ANKS1A: variants seen among roughly 807,000 people sequenced by gnomAD.
The protein encoded by ANKS1A is ankyrin repeat and sterile alpha motif domain containing 1A.
ANKS1A carries 55 observed loss-of-function variants against 120.3 expected under a neutral mutation model. The ratio of observed to expected loss-of-function variants is 0.46; its 90% CI spans 0.37 to 0.57. ANKS1A has a LOEUF of 0.57. ANKS1A is among the 20% of genes least tolerant of loss of function. ANKS1A has a pLI of 0.00. For missense variants in ANKS1A, 1,123 were observed against 1,480.3 expected, an observed-to-expected ratio of 0.76 and a Z score of 3.96; for synonymous variants, 590 against 604.7, an observed-to-expected ratio of 0.98 and a Z score of 0.36.
At chr6:35,005,724 A>G (rs1333416498) in intron 10 of ANKS1A, 11 of 449,706 alleles carry the variant, frequency 2.4e-5, no homozygotes, top group Non-Finnish European at 4.4e-5. Flanking sequence ...TTGATCAAGA[A>G]AGAGGAAAAA....
intron 10 of ANKS1A, among the ~76,000 whole-genome samples, chr6:35,016,579 A>C (rs537529869): frequency 6.6e-6 from 1 of 152,328 alleles, no homozygotes; most frequent in African/African-American, 2.4e-5. Flanking sequence ...AGTGTACAGT[A>C]GTAGCTGGCC....
At chr6:35,054,058 A>G (rs1188221799) in intron 11 of ANKS1A, 41 bp from the exon 12 acceptor site, 3 of 1,585,858 alleles carry the variant, frequency 1.9e-6, no homozygotes, top group Middle Eastern at 1.7e-4. Context: ...GTTTACCCCA[A>G]GCCTGACTGC....
intron 11 of ANKS1A, among the ~76,000 whole-genome samples, chr6:35,040,737 G>A (rs1319921923): frequency 6.6e-6 from 1 of 152,220 alleles, no homozygotes; most frequent in Non-Finnish European, 1.5e-5. Context: ...TCGAAGATGA[G>A]ATTCCTATGC....
intron 11 of ANKS1A, among the ~76,000 whole-genome samples, chr6:35,052,263 CATG>C (rs1776003793): frequency 6.6e-6 from 1 of 152,088 alleles, no homozygotes; most frequent in Non-Finnish European, 1.5e-5. Context: ...GCCTGGACAA[CATG>C]ATGAAACCCC....
At chr6:35,022,777 A>G (rs1368697380) in intron 11 of ANKS1A, among the ~76,000 whole-genome samples, 1 of 152,218 alleles carries the variant, frequency 6.6e-6, no homozygotes, top group African/African-American at 2.4e-5. Context: ...TTAACATTCA[A>G]TACATATCCA....
At chr6:34,942,481 G>A (rs1769582307) in intron 1 of ANKS1A, among the ~76,000 whole-genome samples, 1 of 152,222 alleles carries the variant, frequency 6.6e-6, no homozygotes, top group African/African-American at 2.4e-5. Context: ...AATCTGAAGA[G>A]TGAGTGAGGT....
intron 10 of ANKS1A, 117 bp downstream of exon 10, chr6:34,994,539 G>A: frequency 7.0e-7 from 1 of 1,430,554 alleles, no homozygotes; most frequent in Non-Finnish European, 9.5e-7. Context: ...TGGTGGTTGG[G>A]TTTCACGATG....
At chr6:35,079,726 G>A (rs951240333) in intron 15 of ANKS1A, 58 bp downstream of exon 15, 5 of 1,612,892 alleles carry the variant, frequency 3.1e-6, no homozygotes, top group Non-Finnish European at 4.2e-6. Flanking sequence ...CTTCCCTTAG[G>A]GGCAGCCTGG....
At chr6:34,912,457 G>T (rs867987767) in intron 1 of ANKS1A, among the ~76,000 whole-genome samples, 2 of 152,300 alleles carry the variant, frequency 1.3e-5, no homozygotes. Context: ...CCTCAGTAGG[G>T]TCTTCAGGGA....
Position 35,078,611 on chromosome 6 carries a change from A to G in ANKS1A, c.2238A>G (p.Pro746=). The G allele has an allele frequency of 6.2e-7, 1 of 1,607,206 alleles. No homozygotes were observed. The highest frequency in any genetic ancestry group is 1.7e-5 in the Admixed American group (1 of 60,016). ...TGCGGGACATCGGCATCAGCGACCC[A>G]CAGCACCGGCGGAAGCTGCTCCAGG... ...QDLRDIGISD[P]QHRRKLLQAA... The change falls in exon 14 of 24, where the codon CCA becomes CCG. Residue 746 remains proline, a synonymous_variant. Coordinates refer to ENST00000360359, the MANE Select transcript of ANKS1A (RefSeq NM_015245.3).
chr6:35,011,070 T>C (rs1055224212), intron 10 of ANKS1A, among the ~76,000 whole-genome samples: 5 of 152,212 alleles, frequency 3.3e-5, no homozygotes, highest in African/African-American at 1.2e-4. Flanking sequence ...TTTCTACATG[T>C]AGAAGGGATA....
At position 35,086,800 on chromosome 6, in the gene ANKS1A, T is replaced by A; in HGVS notation, c.3304-152T>A. ...TCCAGGAGGGTGTCCCTCCTCCGCC[T>A]GCCCCCAGGGGCCTGCTCTTTGGCC... On this transcript the variant is annotated intron_variant, in intron 22 of 23. Transcript: ENST00000360359. The surrounding 1 kb of genome is among the most constrained non-coding windows in gnomAD (Gnocchi z 5.1). 4.0e-6 allele frequency: 3 copies of A among 746,892 alleles called. No individual in the cohort carries two copies. Among genetic ancestry groups the A allele is most frequent in the Non-Finnish European group, 6.8e-6 (3 of 443,356 alleles). 46.3% of individuals were successfully genotyped at this position (746,892 alleles called of 1,614,324 possible). A position where few individuals can be genotyped will look rare whatever the true frequency, so the allele number is the denominator to read the frequency against.
rs764498993 is a variant in ANKS1A, at chr6:35,018,053, G to A, written c.2004G>A (p.Trp668Ter). The change falls in exon 11 of 24, where the codon TGG becomes TGA. Residue 668 changes from tryptophan to a stop codon, truncating the protein, a stop_gained. Transcript: ENST00000360359. LOFTEE classifies it high-confidence loss of function. ...AGTCACCCTCCTTCGCCTCGGAGTG[G>A]GATGAGGTAAGGCCGACATGACGTC... is the stretch of plus-strand genomic sequence containing the variant. ...LEKSPSFASEWDEIEKIMSSI... is the reference protein window; with the variant it reads ...LEKSPSFASE The A allele has an allele frequency of 6.2e-7, 1 of 1,613,332 alleles. No individual in the cohort carries two copies. The highest frequency in any genetic ancestry group is 8.5e-7 in the Non-Finnish European group (1 of 1,179,782).
chr6:34,985,261 C>T lies in ANKS1A; in HGVS notation c.1192C>T (p.Pro398Ser), dbSNP rs147657305. ...GGAGGCTGAGGCAGCAGGAGTGAAA[C>T]CTGCTGGAGTGAGGCCTGTATGTGA... ...NKEAEAAGVKPAGVRPRERPP... is the reference protein window; with the variant it reads ...NKEAEAAGVKSAGVRPRERPP... Residue 398 changes from proline to serine, a missense_variant, in exon 8 of 24, where the codon CCT becomes TCT. Physicochemically the swap from Pro to Ser is moderately conservative, Grantham distance 74. Transcript: ENST00000360359. 2.6e-5 allele frequency: 42 copies of T among 1,613,706 alleles called. No individual in the cohort carries two copies. The highest frequency in any genetic ancestry group is 2.1e-5 in the Non-Finnish European group (25 of 1,179,942).
At chr6:34,914,728 T>G (rs1351196448) in intron 1 of ANKS1A, among the ~76,000 whole-genome samples, 1 of 152,218 alleles carries the variant, frequency 6.6e-6, no homozygotes, top group Non-Finnish European at 1.5e-5. Context: ...CTTCAGTTTC[T>G]GCAGAACTTA....
At position 34,889,475 on chromosome 6, in the gene ANKS1A, G is replaced by T; in HGVS notation, c.73G>T (p.Gly25Trp). 1 of 1,287,620 alleles carries T rather than the reference G, an allele frequency of 7.8e-7. No homozygotes were observed. 79.8% of individuals were successfully genotyped at this position (1,287,620 alleles called of 1,614,324 possible). Residue 25 changes from glycine (G) to tryptophan (W), a missense_variant, in exon 1 of 24, where the codon GGG becomes TGG. Physicochemically the swap from Gly to Trp is radical, Grantham distance 184 (BLOSUM62 -2). This residue lies in a region of ANKS1A where 73 missense variants were observed against 82.2 expected (regional missense o/e 0.89). Transcript: ENST00000360359. The surrounding 1 kb of genome is among the most constrained non-coding windows in gnomAD (Gnocchi z 5.5). ...CCCGGCGGTGGAGAAGCTGCTGTCCGGGAAGCGGCTCTCCTCAGGCTTTGG... is the reference window on the plus strand; with the variant it reads ...CCCGGCGGTGGAGAAGCTGCTGTCCTGGAAGCGGCTCTCCTCAGGCTTTGG... ...HLPAVEKLLS[G>W]KRLSSGFGGG... is the part of the protein sequence containing the mutation.
chr6:35,056,229 C>G lies in ANKS1A; in HGVS notation c.2077+2064C>G, dbSNP rs1033287345. Reference sequence around the variant, plus strand: ...GGAAGGGTTAATGCTGAGCTCTTCCCGTGACATCTGGTCTCCTGTCTGATC... The same window carrying G: ...GGAAGGGTTAATGCTGAGCTCTTCCGGTGACATCTGGTCTCCTGTCTGATC... On this transcript the variant is annotated intron_variant, in intron 12 of 23. Transcript: ENST00000360359. Among the ~76,000 whole-genome samples the G allele has an allele frequency of 5.3e-5, 8 of 152,180 alleles. No individual in the cohort carries two copies. The South Asian group carries it at 1.2e-3, about 24-fold the overall frequency.
downstream of ANKS1A, chr6:35,091,432 T>G (rs1370897930): frequency 1.0e-6 from 1 of 985,254 alleles, no homozygotes; most frequent in African/African-American, 1.7e-5. Flanking sequence ...AGTCTTTGAA[T>G]TGGAAAGCGT....
chr6:35,000,901 G>A (rs915577864), intron 10 of ANKS1A, among the ~76,000 whole-genome samples: 6 of 152,106 alleles, frequency 3.9e-5, no homozygotes, highest in Non-Finnish European at 8.8e-5. Context: ...AATTCTGTGT[G>A]TAAACATGTT....
Sources: gnomAD v4.1 joint callset for allele counts (sites outside exome capture counted in the v4.1 genomes callset) on GRCh38, gnomAD v4.1.1 for gene constraint, gnomAD v4.1.1 regional missense constraint, Gnocchi (gnomAD v3.1) non-coding constraint, MANE v1.5 for transcripts, NCBI Gene and HGNC (gene_info 2026-07-23, HGNC 2026-07-21) for gene names.